The following VAV3 variants were observed in gnomAD, a reference collection of about 807,000 sequenced individuals.
VAV3 encodes the protein vav guanine nucleotide exchange factor 3.
In VAV3, 94 loss-of-function variants were observed where a neutral mutation model predicts 131.2. The observed-to-expected ratio is 0.72, with a 90% CI of 0.61 to 0.85. The LOEUF (loss-of-function observed/expected upper bound fraction) is 0.85. Ranked by LOEUF, VAV3 falls within the 40% of genes least tolerant of loss-of-function variation. VAV3 has a pLI of 0.00. For synonymous variants in VAV3, 349 were observed against 342.0 expected (o/e 1.02, Z -0.22); for missense variants, 939 against 1,002.7 (o/e 0.94, Z 0.86).
intron 17 of VAV3, among the ~76,000 whole-genome samples, chr1:107,699,284 G>C (rs1659943165): frequency 6.6e-6 from 1 of 152,210 alleles, no homozygotes; most frequent in Non-Finnish European, 1.5e-5. Flanking sequence ...TCAAAACAAA[G>C]GGCCTACAGG....
intron 17 of VAV3, among the ~76,000 whole-genome samples, chr1:107,693,375 C>T (rs994713288): frequency 9.9e-5 from 15 of 152,160 alleles, no homozygotes; most frequent in Admixed American, 8.5e-4. Flanking sequence ...AAACTTAACA[C>T]ATCTTTTTTT....
chr1:107,863,141 C>T (rs1018275215), intron 2 of VAV3, among the ~76,000 whole-genome samples: 2 of 152,176 alleles, frequency 1.3e-5, no homozygotes, highest in African/African-American at 4.8e-5. Context: ...TTTGCTCTTG[C>T]TCCATTATTT....
At chr1:107,946,393 T>C (rs910486556) in intron 1 of VAV3, among the ~76,000 whole-genome samples, 4 of 152,214 alleles carry the variant, frequency 2.6e-5, no homozygotes, top group African/African-American at 9.6e-5. Context: ...GTGACTGAGA[T>C]TGGAATAAAA....
intron 1 of VAV3, among the ~76,000 whole-genome samples, chr1:107,914,258 T>C (rs1672509715): frequency 6.6e-6 from 1 of 152,082 alleles, no homozygotes. Flanking sequence ...AATGTACCCA[T>C]GAGAAAATTC....
intron 15 of VAV3, among the ~76,000 whole-genome samples, chr1:107,721,096 G>A (rs1427102728): frequency 6.6e-6 from 1 of 152,134 alleles, no homozygotes; most frequent in Non-Finnish European, 1.5e-5. Context: ...AGAGTTCTAG[G>A]GTGGACTGGA....
At chr1:107,786,855 C>T (rs555720226) in intron 2 of VAV3, among the ~76,000 whole-genome samples, 10 of 152,298 alleles carry the variant, frequency 6.6e-5, no homozygotes, top group African/African-American at 2.4e-4. Flanking sequence ...CCAGGCCCCA[C>T]AACTCTATCT....
chr1:107,629,065 T>C (rs1193215987), intron 20 of VAV3, among the ~76,000 whole-genome samples: 2 of 152,230 alleles, frequency 1.3e-5, no homozygotes, highest in Non-Finnish European at 2.9e-5. Context: ...CTACTGCTTA[T>C]AATTGCCTTT....
At chr1:107,706,454 G>A (rs1278742423) in intron 15 of VAV3, among the ~76,000 whole-genome samples, 1 of 152,084 alleles carries the variant, frequency 6.6e-6, no homozygotes, top group African/African-American at 2.4e-5. Context: ...GTGCCATCTG[G>A]GATTTCTCTG....
At chr1:107,964,598 A>G in intron 1 of VAV3, 68 bp downstream of exon 1, 2 of 1,536,068 alleles carry the variant, frequency 1.3e-6, no homozygotes, top group Non-Finnish European at 8.8e-7. Context: ...CATTTACACA[A>G]AGAAATTAGC....
At chr1:107,936,493 A>G (rs532666918) in intron 1 of VAV3, among the ~76,000 whole-genome samples, 1 of 152,316 alleles carries the variant, frequency 6.6e-6, no homozygotes, top group African/African-American at 2.4e-5. Flanking sequence ...CAATCTAGAG[A>G]AACAACAGTG....
intron 15 of VAV3, among the ~76,000 whole-genome samples, chr1:107,735,778 A>C (rs1392969971): frequency 6.6e-6 from 1 of 152,212 alleles, no homozygotes; most frequent in Non-Finnish European, 1.5e-5. Flanking sequence ...TACCAGATAC[A>C]AAAAGGAGGT....
intron 5 of VAV3, among the ~76,000 whole-genome samples, chr1:107,771,544 C>T (rs1445463218): frequency 3.3e-5 from 5 of 152,196 alleles, no homozygotes; most frequent in Admixed American, 1.3e-4. Context: ...CGAGCTACCG[C>T]GCCCGGCCTG....
At chr1:107,611,736 T>G (rs1178332805) in intron 21 of VAV3, among the ~76,000 whole-genome samples, 1 of 152,056 alleles carries the variant, frequency 6.6e-6, no homozygotes, top group African/African-American at 2.4e-5. Context: ...GACAGAAGAT[T>G]CTAAAACAGA....
chr1:107,848,130 G>A (rs958859900), intron 2 of VAV3, among the ~76,000 whole-genome samples: 9 of 151,950 alleles, frequency 5.9e-5, no homozygotes, highest in African/African-American at 1.9e-4. Context: ...TGGCTAACAC[G>A]GTGAAACCCT....
In VAV3 at chr1:107,642,698, T is replaced by G. The variant is rs768563869; in HGVS notation, c.1835A>C (p.His612Pro). Reference sequence around the variant, plus strand: ...CTGGAGCTGTAAAGGGGGTCCTTCATGCAGAGCTGGGGGTGGTGTTCCAGA... The same window carrying G: ...CTGGAGCTGTAAAGGGGGTCCTTCAGGCAGAGCTGGGGGTGGTGTTCCAGA... ...NYSGTPPPALHEGPPLQLQAG... is the reference protein window; with the variant it reads ...NYSGTPPPALPEGPPLQLQAG... Residue 612 changes from histidine to proline, a missense_variant, in exon 20 of 27, where the codon CAT becomes CCT. Transcript: ENST00000370056. The G allele has an allele frequency of 1.9e-6, 3 of 1,613,472 alleles. No individual in the cohort carries two copies. Among genetic ancestry groups the G allele is most frequent in the Non-Finnish European group, 2.5e-6 (3 of 1,179,650 alleles).
chr1:107,578,774 T>A, intron 25 of VAV3: 3 of 984,304 alleles, frequency 3.0e-6, no homozygotes, highest in Non-Finnish European at 2.4e-6. Context: ...TCCTTGTGTC[T>A]CTCTCTCTGG....
At chr1:107,748,506 C>T (rs1397577104) in intron 15 of VAV3, among the ~76,000 whole-genome samples, 1 of 152,032 alleles carries the variant, frequency 6.6e-6, no homozygotes, top group Non-Finnish European at 1.5e-5. Context: ...AGCCAAGATT[C>T]AAATAAGCGA....
chr1:107,648,666 T>C (rs1036562563), intron 19 of VAV3, among the ~76,000 whole-genome samples: 4 of 152,052 alleles, frequency 2.6e-5, no homozygotes, highest in African/African-American at 7.2e-5. Context: ...CAGAGTATTG[T>C]CACCTAGTCT....
intron 17 of VAV3, among the ~76,000 whole-genome samples, chr1:107,692,154 G>A (rs1659469209): frequency 6.6e-6 from 1 of 152,120 alleles, no homozygotes. Flanking sequence ...ATTTCTGTGA[G>A]ACATTACAAC....
Sources: allele counts gnomAD v4.1 joint callset (sites outside exome capture counted in the v4.1 genomes callset), GRCh38; gene constraint gnomAD v4.1.1; transcripts MANE v1.5; gene names NCBI Gene and HGNC (gene_info 2026-07-23, HGNC 2026-07-21).